The following RFX7 variants were observed in gnomAD, a reference collection of about 807,000 sequenced individuals.
RFX7 encodes DNA-binding protein RFX7.
A neutral mutation model predicts 111.8 loss-of-function variants in RFX7; 26 were observed. That is an observed-to-expected ratio of 0.23 (90% CI 0.17 to 0.32). RFX7 has a LOEUF of 0.32. Ranked by LOEUF, RFX7 falls within the 10% of genes least tolerant of loss-of-function variation. RFX7 has a pLI of 1.00. For synonymous variants in RFX7, 624 were observed against 624.4 expected (o/e 1.00, Z 0.01); for missense variants, 1,573 against 1,772.9 (o/e 0.89, Z 2.02).
chr15:56,224,024 C>CT (rs61411594), intron 2 of RFX7, among the ~76,000 whole-genome samples: 19,859 of 145,806 alleles, frequency 0.14, 1,662 homozygotes, highest in East Asian at 0.44. Context: ...AATAAGCAGT[C>CT]TTTTTTTTTT....
At chr15:56,149,553 C>T (rs989497161) in intron 3 of RFX7, among the ~76,000 whole-genome samples, 5 of 152,144 alleles carry the variant, frequency 3.3e-5, no homozygotes, top group East Asian at 1.9e-4. Context: ...CCACGGAGGG[C>T]GAGGCGAAGC....
intron 3 of RFX7, among the ~76,000 whole-genome samples, chr15:56,154,712 T>C (rs893799797): frequency 2.0e-5 from 3 of 152,184 alleles, no homozygotes; most frequent in Non-Finnish European, 2.9e-5. Flanking sequence ...ATTCAGGACA[T>C]AGGCATGGGC....
At position 56,203,915 on chromosome 15, in the gene RFX7, C is replaced by T. The variant is rs1478784244; in HGVS notation, c.162-24612G>A. The stretch of plus-strand genomic sequence containing the variant: ...TTCATTCCTTTACTTTCTTAATAAA[C>T]TTGCTTTCACTTTACTCTATGGTCC... On this transcript the variant is annotated intron_variant, in intron 2 of 9. Coordinates refer to ENST00000559447, the MANE Select transcript of RFX7 (RefSeq NM_022841.7). 4.6e-5 allele frequency among the ~76,000 whole-genome samples: 7 copies of T among 152,168 alleles called. No individual in the cohort carries two copies. The South Asian group carries it at 1.5e-3, about 32-fold the overall frequency.
At chr15:56,163,045 TTGATA>T (rs2042742500) in intron 3 of RFX7, among the ~76,000 whole-genome samples, 1 of 152,188 alleles carries the variant, frequency 6.6e-6, no homozygotes, top group Non-Finnish European at 1.5e-5. Flanking sequence ...ATTTATTTAT[TTGATA>T]TATTTTAATT....
Position 56,092,712 on chromosome 15 carries a change from T to C in RFX7, c.*633A>G, listed in dbSNP as rs1331902164. On this transcript the variant is annotated 3_prime_UTR_variant, in exon 10 of 10. Transcript: ENST00000559447. ...AATATAAATGGCTACTTGTTTTTTT[T>C]CCCTTAAAAATTTTAGTGCAGCTTT... The C allele has an allele frequency of 6.5e-6, 1 of 152,728 alleles. No individual in the cohort carries two copies. Among genetic ancestry groups the C allele is most frequent in the African/African-American group, 2.4e-5 (1 of 41,566 alleles). 9.5% of individuals were successfully genotyped at this position (152,728 alleles called of 1,614,324 possible). A position where few individuals can be genotyped will look rare whatever the true frequency, so the allele number is the denominator to read the frequency against.
intron 5 of RFX7, among the ~76,000 whole-genome samples, chr15:56,140,423 TC>T (rs1409198658): frequency 6.6e-6 from 1 of 152,226 alleles, no homozygotes; most frequent in Non-Finnish European, 1.5e-5. Flanking sequence ...GAAAGGGAAC[TC>T]CCTGACCCCT....
intron 3 of RFX7, among the ~76,000 whole-genome samples, chr15:56,159,738 ATC>A (rs1295868761): frequency 6.6e-6 from 1 of 152,218 alleles, no homozygotes. Context: ...TGCTCCGGAC[ATC>A]TGTTTCTGAA....
At chr15:56,169,688 T>G (rs1364556143) in intron 3 of RFX7, among the ~76,000 whole-genome samples, 1 of 146,010 alleles carries the variant, frequency 6.8e-6, no homozygotes, top group Non-Finnish European at 1.5e-5. Context: ...TCTGCTATAA[T>G]GCTAGTCAGT....
At chr15:56,218,144 C>CTT (rs869249448) in intron 2 of RFX7, among the ~76,000 whole-genome samples, 3,108 of 58,018 alleles carry the variant, frequency 0.054, 1,026 homozygotes, top group African/African-American at 0.15. Context: ...AAATGATTTT[C>CTT]TTTTTTTTTT....
chr15:56,097,808 G>A (rs2041701965), intron 9 of RFX7, among the ~76,000 whole-genome samples: 1 of 135,834 alleles, frequency 7.4e-6, no homozygotes, highest in South Asian at 2.5e-4. Context: ...CTCTAAAAAT[G>A]AGAAAATTAC....
chr15:56,113,046 T>C (rs1371074187), intron 5 of RFX7, among the ~76,000 whole-genome samples: 1 of 152,226 alleles, frequency 6.6e-6, no homozygotes, highest in East Asian at 1.9e-4. Flanking sequence ...ACTTTTACAC[T>C]GTTGGTGGGA....
chr15:56,100,708 A>T (rs530937642), intron 8 of RFX7, among the ~76,000 whole-genome samples: 63 of 152,324 alleles, frequency 4.1e-4, no homozygotes, highest in African/African-American at 1.5e-3. Context: ...AGATATTTTT[A>T]AAAATTCATC....
rs760738840 is a variant in RFX7, at chr15:56,093,516, T to G, written c.4212A>C (p.Leu1404=). ...INDLNTLDPN[L]LFDPGRQQGQ... is the part of the protein sequence containing the mutation. ...CCTGCTGACGACCTGGATCAAACAG[T>G]AGATTTGGGTCTAAAGTGTTCAAAT... Residue 1404 remains leucine (L), a synonymous_variant, in exon 10 of 10, where the codon CTA becomes CTC. Coordinates refer to ENST00000559447, the MANE Select transcript of RFX7 (RefSeq NM_022841.7). 7.4e-6 allele frequency: 12 copies of G among 1,613,752 alleles called. No individual in the cohort carries two copies. The highest frequency in any genetic ancestry group is 1.6e-4 in the Middle Eastern group (1 of 6,080).
chr15:56,111,268 T>C (rs1595933600), intron 5 of RFX7, among the ~76,000 whole-genome samples: 1 of 150,176 alleles, frequency 6.7e-6, no homozygotes, highest in South Asian at 2.1e-4. Flanking sequence ...TAGAAAGAGG[T>C]AGACATGGGA....
At chr15:56,198,870 TAA>T (rs1397897254) in intron 2 of RFX7, among the ~76,000 whole-genome samples, 2 of 152,004 alleles carry the variant, frequency 1.3e-5, no homozygotes, top group Non-Finnish European at 2.9e-5. Context: ...AATGAAAAGT[TAA>T]AAGAGGGGAC....
In RFX7 at chr15:56,243,299, TGGGAGGGA is replaced by T; in HGVS notation, c.-2-20_-2-13del. 2.5e-4 allele frequency: 14 copies of T among 55,102 alleles called. No homozygotes were observed. The highest frequency in any genetic ancestry group is 4.5e-4 in the Non-Finnish European group (13 of 28,652). 3.4% of individuals were successfully genotyped at this position (55,102 alleles called of 1,614,324 possible). On this transcript the variant is annotated splice_polypyrimidine_tract_variant and intron_variant, in intron 1 of 9. Coordinates refer to ENST00000559447, the MANE Select transcript of RFX7 (RefSeq NM_022841.7). ...TTCCTCTGCCATCGCTGCAGAGGGG[TGGGAGGGA>T]GGGAGGGAAAGATGGGGGCGCGGGG...
At chr15:56,153,766 C>G (rs1221302557) in intron 3 of RFX7, among the ~76,000 whole-genome samples, 2 of 152,132 alleles carry the variant, frequency 1.3e-5, no homozygotes, top group Middle Eastern at 3.2e-3. Flanking sequence ...CACTCCTATT[C>G]AACATAATAT....
chr15:56,228,453 C>A (rs1006445636), intron 2 of RFX7, among the ~76,000 whole-genome samples: 1 of 151,998 alleles, frequency 6.6e-6, no homozygotes, highest in African/African-American at 2.4e-5. Flanking sequence ...AACCAAGCAT[C>A]AGAACCAGAC....
chr15:56,126,961 CA>C (rs2042152930), intron 5 of RFX7, among the ~76,000 whole-genome samples: 2 of 152,208 alleles, frequency 1.3e-5, no homozygotes, highest in South Asian at 4.2e-4. Context: ...AGCAGATGAT[CA>C]ATAAGGACAC....
Sources: gnomAD v4.1 joint callset for allele counts (sites outside exome capture counted in the v4.1 genomes callset) on GRCh38, gnomAD v4.1.1 for gene constraint, MANE v1.5 for transcripts, NCBI Gene and HGNC (gene_info 2026-07-23, HGNC 2026-07-21) for gene names.